The following CNTNAP2 variants were observed in gnomAD, a reference collection of about 807,000 sequenced individuals.
The protein encoded by CNTNAP2 is contactin-associated protein-like 2.
Under a neutral mutation model 155.2 loss-of-function variants are expected in CNTNAP2, and 98 were observed. That is an observed-to-expected ratio of 0.63 (90% CI 0.54 to 0.75). The LOEUF is 0.75. Among genes scored for constraint, CNTNAP2 ranks in the 30% least tolerant of loss-of-function variants. The probability of loss-of-function intolerance (pLI) is 0.00; values close to 1 mark genes in which losing one functional copy is unlikely to be tolerated. For synonymous variants in CNTNAP2, 651 were observed against 631.2 expected (o/e 1.03, Z -0.47); for missense variants, 1,727 against 1,688.1 (o/e 1.02, Z -0.40).
intron 19 of CNTNAP2, among the ~76,000 whole-genome samples, chr7:148,228,843 A>AG (rs1795907087): frequency 6.6e-6 from 1 of 150,714 alleles, no homozygotes. Flanking sequence ...AAAAAAAAAA[A>AG]CTATGTTTAT....
At chr7:147,025,486 G>A (rs1198698819) in intron 3 of CNTNAP2, among the ~76,000 whole-genome samples, 1 of 53,308 alleles carries the variant, frequency 1.9e-5, no homozygotes, top group Admixed American at 1.8e-4. Context: ...GGGAGGGGAC[G>A]GGAGGGGAGG....
chr7:147,689,150 A>C (rs896288513), intron 13 of CNTNAP2, among the ~76,000 whole-genome samples: 2 of 134,622 alleles, frequency 1.5e-5, no homozygotes, highest in Non-Finnish European at 3.2e-5. Context: ...CATAATTACT[A>C]CTTTTTTTTT....
chr7:146,389,858 C>A (rs895904571), intron 1 of CNTNAP2, among the ~76,000 whole-genome samples: 2 of 151,652 alleles, frequency 1.3e-5, no homozygotes, highest in Non-Finnish European at 2.9e-5. Flanking sequence ...CCCACTACCA[C>A]GCCCAGCTAA....
At chr7:147,735,621 G>A (rs1055180739) in intron 13 of CNTNAP2, among the ~76,000 whole-genome samples, 14 of 152,156 alleles carry the variant, frequency 9.2e-5, no homozygotes, top group Non-Finnish European at 1.5e-4. Flanking sequence ...TGACAGTGGC[G>A]TGTTGAAGTC....
intron 21 of CNTNAP2, among the ~76,000 whole-genome samples, chr7:148,322,801 T>G (rs1197679652): frequency 2.0e-5 from 3 of 150,160 alleles, no homozygotes; most frequent in Admixed American, 6.6e-5. Flanking sequence ...TTTGGGGTTT[T>G]TTTTTTTTTT....
rs1186590108 is a variant in CNTNAP2, at chr7:147,903,601, A to G, written c.2135A>G (p.Asn712Ser). 1.2e-6 allele frequency: 2 copies of G among 1,614,214 alleles called. No individual in the cohort carries two copies. Among genetic ancestry groups the G allele is most frequent in the East Asian group, 2.2e-5 (1 of 44,874 alleles). ...TACACTTGGTGGGTTGGCAAAGCCA[A>G]CGAGAAGCACTACTACTGGGGAGGC... ...SPYTWWVGKA[N>S]EKHYYWGGSG... Residue 712 changes from asparagine (N) to serine (S), a missense_variant, in exon 14 of 24, where the codon AAC (asparagine) becomes AGC (serine). Coordinates refer to ENST00000361727, the MANE Select transcript of CNTNAP2 (RefSeq NM_014141.6).
intron 9 of CNTNAP2, among the ~76,000 whole-genome samples, chr7:147,331,271 A>G (rs1008183221): frequency 2.6e-5 from 4 of 152,164 alleles, no homozygotes; most frequent in African/African-American, 7.2e-5. Flanking sequence ...GAAGCCAAGG[A>G]TGATAACCAG....
chr7:147,008,568 G>A (rs1204019713), intron 3 of CNTNAP2, among the ~76,000 whole-genome samples: 1 of 152,024 alleles, frequency 6.6e-6, no homozygotes, highest in African/African-American at 2.4e-5. Flanking sequence ...AAAAAAAACA[G>A]GAGTTTTTTA....
chr7:147,728,585 T>C (rs1328353071), intron 13 of CNTNAP2, among the ~76,000 whole-genome samples: 2 of 152,010 alleles, frequency 1.3e-5, no homozygotes, highest in Non-Finnish European at 2.9e-5. Flanking sequence ...TCTTTTTTCA[T>C]GTTTCTAGTT....
At chr7:146,690,990 G>C (rs192436223) in intron 1 of CNTNAP2, among the ~76,000 whole-genome samples, 2 of 152,206 alleles carry the variant, frequency 1.3e-5, no homozygotes, top group East Asian at 1.9e-4. Context: ...ATTATGCTGT[G>C]ATTCTGGAAA....
chr7:147,668,639 A>C (rs954192469), intron 13 of CNTNAP2, among the ~76,000 whole-genome samples: 1 of 152,220 alleles, frequency 6.6e-6, no homozygotes, highest in African/African-American at 2.4e-5. Flanking sequence ...GATTGAAAAA[A>C]TATTTAAAAA....
At chr7:147,716,906 C>T (rs918662115) in intron 13 of CNTNAP2, among the ~76,000 whole-genome samples, 9 of 152,142 alleles carry the variant, frequency 5.9e-5, no homozygotes, top group African/African-American at 2.2e-4. Flanking sequence ...TTTATTACCA[C>T]AGCAAAACTA....
intron 11 of CNTNAP2, among the ~76,000 whole-genome samples, chr7:147,536,800 G>A (rs963620935): frequency 1.3e-5 from 2 of 151,956 alleles, no homozygotes; most frequent in African/African-American, 2.4e-5. Context: ...TTCAAGACCC[G>A]CAACTGCTCA....
At chr7:146,921,742 G>A (rs1300606268) in intron 3 of CNTNAP2, among the ~76,000 whole-genome samples, 1 of 152,044 alleles carries the variant, frequency 6.6e-6, no homozygotes, top group Non-Finnish European at 1.5e-5. Context: ...TTTGGGGTGG[G>A]GACACAGCCA....
intron 21 of CNTNAP2, among the ~76,000 whole-genome samples, chr7:148,331,360 G>T (rs1465290437): frequency 7.6e-6 from 1 of 131,174 alleles, no homozygotes; most frequent in Non-Finnish European, 1.5e-5. Context: ...TGGATGGATG[G>T]AGTGGAGGGA....
chr7:146,954,359 T>G (rs1230684249), intron 3 of CNTNAP2, among the ~76,000 whole-genome samples: 1 of 151,896 alleles, frequency 6.6e-6, no homozygotes, highest in Non-Finnish European at 1.5e-5. Flanking sequence ...AATGCTGCAC[T>G]AATGGCTCAT....
intron 12 of CNTNAP2, among the ~76,000 whole-genome samples, chr7:147,637,240 G>T (rs1463819426): frequency 6.7e-6 from 1 of 150,104 alleles, no homozygotes; most frequent in Non-Finnish European, 1.5e-5. Flanking sequence ...ATGTGAGGAG[G>T]CAAGGGTGGA....
intron 2 of CNTNAP2, among the ~76,000 whole-genome samples, chr7:146,779,248 G>C (rs1292355523): frequency 6.6e-6 from 1 of 152,046 alleles, no homozygotes; most frequent in Admixed American, 6.6e-5. Flanking sequence ...TTTCTTCCTA[G>C]TTACTAAAGG....
chr7:147,879,762 T>C (rs1164625543), intron 13 of CNTNAP2, among the ~76,000 whole-genome samples: 1 of 152,140 alleles, frequency 6.6e-6, no homozygotes, highest in African/African-American at 2.4e-5. Context: ...AACAGAAAAA[T>C]ACAGCAGCAT....
Sources: gnomAD v4.1 joint callset for allele counts (sites outside exome capture counted in the v4.1 genomes callset) on GRCh38, gnomAD v4.1.1 for gene constraint, MANE v1.5 for transcripts, NCBI Gene and HGNC (gene_info 2026-07-23, HGNC 2026-07-21) for gene names.